The following CDKAL1 variants were observed in gnomAD, a reference collection of about 807,000 sequenced individuals.
CDKAL1 encodes the protein CDKAL1 threonylcarbamoyladenosine tRNA methylthiotransferase.
A neutral mutation model predicts 68.2 loss-of-function variants in CDKAL1; 32 were observed. The ratio of observed to expected loss-of-function variants is 0.47; its 90% CI spans 0.35 to 0.63. The LOEUF is 0.63. CDKAL1 is among the 30% of genes least tolerant of loss of function. The probability of loss-of-function intolerance (pLI) is 0.00; values close to 1 mark genes in which losing one functional copy is unlikely to be tolerated. For missense variants in CDKAL1, 606 were observed against 696.7 expected (o/e 0.87, Z 1.47); for synonymous variants, 234 against 244.3 (o/e 0.96, Z 0.39).
chr6:21,039,886 A>G (rs1769820998), intron 11 of CDKAL1, among the ~76,000 whole-genome samples: 1 of 152,142 alleles, frequency 6.6e-6, no homozygotes, highest in Non-Finnish European at 1.5e-5. Context: ...GACAGTTTTA[A>G]TGTTGTATGT....
At chr6:21,060,919 T>C (rs1425276874) in intron 11 of CDKAL1, among the ~76,000 whole-genome samples, 1 of 152,166 alleles carries the variant, frequency 6.6e-6, no homozygotes, top group Non-Finnish European at 1.5e-5. Context: ...GTATTAGTCC[T>C]ACTTTATTCA....
intron 13 of CDKAL1, among the ~76,000 whole-genome samples, chr6:21,182,711 C>G (rs1033321890): frequency 6.6e-5 from 10 of 152,194 alleles, no homozygotes; most frequent in African/African-American, 2.2e-4. Context: ...AATGCATAGT[C>G]ACTGTCCTGC....
intron 13 of CDKAL1, among the ~76,000 whole-genome samples, chr6:21,156,450 T>TAAGACTGG (rs1456717296): frequency 7.8e-6 from 1 of 127,476 alleles, no homozygotes; most frequent in African/African-American, 3.0e-5. Flanking sequence ...AAAGGAAAAA[T>TAAGACTGG]AAGACTGGTA....
intron 13 of CDKAL1, among the ~76,000 whole-genome samples, chr6:21,197,658 G>A (rs946488144): frequency 2.0e-5 from 3 of 152,062 alleles, no homozygotes; most frequent in Admixed American, 2.0e-4. Context: ...AGCTTGTTCT[G>A]GCTTGTTTTG....
chr6:20,840,692 C>T (rs571825416), intron 8 of CDKAL1, among the ~76,000 whole-genome samples: 5 of 152,164 alleles, frequency 3.3e-5, no homozygotes, highest in Non-Finnish European at 7.4e-5. Context: ...GAATTTTGAT[C>T]TTGACAAACA....
intron 10 of CDKAL1, among the ~76,000 whole-genome samples, chr6:20,994,551 A>C (rs1178967651): frequency 1.3e-5 from 2 of 152,182 alleles, no homozygotes; most frequent in African/African-American, 4.8e-5. Context: ...AATATAATCC[A>C]TGATGGGGCT....
chr6:20,702,498 C>G (rs1771411141), intron 5 of CDKAL1, among the ~76,000 whole-genome samples: 1 of 152,136 alleles, frequency 6.6e-6, no homozygotes, highest in Non-Finnish European at 1.5e-5. Context: ...TAGCTTTCAG[C>G]AGATGGGGGA....
intron 4 of CDKAL1, among the ~76,000 whole-genome samples, chr6:20,588,000 G>GTGGGAGGATGGCTTGAAGCC (rs1176510681): frequency 6.6e-6 from 1 of 151,998 alleles, no homozygotes; most frequent in African/African-American, 2.4e-5. Flanking sequence ...AGGAGGTTGA[G>GTGGGAGGATGGCTTGAAGCC]TGGGAGGATG....
intron 15 of CDKAL1, among the ~76,000 whole-genome samples, chr6:21,204,227 A>T (rs892157741): frequency 2.0e-5 from 3 of 152,194 alleles, no homozygotes; most frequent in Admixed American, 6.5e-5. Flanking sequence ...AAATTTTATG[A>T]ACATTTTCAA....
intron 15 of CDKAL1, among the ~76,000 whole-genome samples, chr6:21,223,020 G>A (rs761540830): frequency 1.3e-5 from 2 of 152,152 alleles, no homozygotes; most frequent in Non-Finnish European, 2.9e-5. Flanking sequence ...GCTCAGAACT[G>A]CAAGACAGGT....
chr6:20,649,511 T>C (rs879830924), intron 5 of CDKAL1, 134 bp downstream of exon 5: 4 of 546,372 alleles, frequency 7.3e-6, no homozygotes, highest in Non-Finnish European at 1.3e-5. Context: ...TTTAAGATTA[T>C]ACTATTTTGA....
intron 7 of CDKAL1, among the ~76,000 whole-genome samples, chr6:20,779,603 G>C (rs541671317): frequency 6.6e-6 from 1 of 152,070 alleles, no homozygotes; most frequent in Admixed American, 6.5e-5. Flanking sequence ...TTTTTTCTTT[G>C]AGACGGAGTC....
chr6:20,811,522 C>A (rs1158429605), intron 8 of CDKAL1, among the ~76,000 whole-genome samples: 6 of 152,130 alleles, frequency 3.9e-5, no homozygotes, highest in Non-Finnish European at 5.9e-5. Context: ...TTTCCACATT[C>A]TGGATTTTGC....
chr6:21,166,980 A>G (rs1315130653), intron 13 of CDKAL1, among the ~76,000 whole-genome samples: 1 of 152,208 alleles, frequency 6.6e-6, no homozygotes, highest in African/African-American at 2.4e-5. Context: ...GACCTTGAGT[A>G]TGTCACTTAA....
rs1773960312 is a variant in CDKAL1 at position 21,108,419 on chromosome 6, G to A, written c.1255G>A (p.Asp419Asn). ...PAQVKKQRTKDLSRVFHSYSP... is the reference protein window; with the variant it reads ...PAQVKKQRTKNLSRVFHSYSP... ...TTCACAGAAAAAGCAAAGGACAAAAGATCTTTCTCGGGTGTTTCATTCTTA... is the reference window on the plus strand; with the variant it reads ...TTCACAGAAAAAGCAAAGGACAAAAAATCTTTCTCGGGTGTTTCATTCTTA... Residue 419 changes from aspartate to asparagine, a missense_variant, in exon 13 of 16, where the codon GAT becomes AAT. Asp to Asn is a conservative substitution (Grantham distance 23). Coordinates refer to ENST00000274695, the MANE Select transcript of CDKAL1 (RefSeq NM_017774.3). 6.2e-7 allele frequency: 1 copy of A among 1,605,340 alleles called. No homozygotes were observed. The highest frequency in any genetic ancestry group is 8.5e-7 in the Non-Finnish European group (1 of 1,177,122).
intron 12 of CDKAL1, among the ~76,000 whole-genome samples, chr6:21,089,133 A>G (rs1311906747): frequency 6.6e-6 from 1 of 152,178 alleles, no homozygotes; most frequent in Non-Finnish European, 1.5e-5. Context: ...ATTCTTTTCA[A>G]CGTCAGTTGA....
Position 20,559,428 on chromosome 6 carries a change from T to G in CDKAL1, c.286+10723T>G, listed in dbSNP as rs532018238. ...AGTAACTCTCATGGCAATTAAAGTATTTTGATAATGTTTATAAGTTCTTGT... is the reference window on the plus strand; with the variant it reads ...AGTAACTCTCATGGCAATTAAAGTAGTTTGATAATGTTTATAAGTTCTTGT... On this transcript the variant is annotated intron_variant, in intron 4 of 15. Transcript: ENST00000274695. The G allele has an allele frequency of 3.3e-5, 5 of 152,342 alleles. No individual in the cohort carries two copies. The East Asian group carries it at 9.6e-4, about 29-fold the overall frequency. The allele number at this position is 152,342 out of a possible 1,614,324, so 9.4% of individuals were successfully genotyped here. A position where few individuals can be genotyped will look rare whatever the true frequency, so the allele number is the denominator to read the frequency against.
At chr6:20,740,146 C>T (rs1406670520) in intron 6 of CDKAL1, among the ~76,000 whole-genome samples, 1 of 152,118 alleles carries the variant, frequency 6.6e-6, no homozygotes, top group East Asian at 1.9e-4. Context: ...TTGAATAAAG[C>T]CCACCTGTCT....
intron 4 of CDKAL1, among the ~76,000 whole-genome samples, chr6:20,631,880 CT>C (rs1767688759): frequency 6.6e-6 from 1 of 152,170 alleles, no homozygotes; most frequent in African/African-American, 2.4e-5. Flanking sequence ...CTGAAAGGAC[CT>C]GTTCTGTATA....
Sources: allele counts gnomAD v4.1 joint callset (sites outside exome capture counted in the v4.1 genomes callset), GRCh38; gene constraint gnomAD v4.1.1; transcripts MANE v1.5; gene names NCBI Gene and HGNC (gene_info 2026-07-23, HGNC 2026-07-21).